Variants in CPN2 observed in about 807,000 individuals in gnomAD.
CPN2 encodes carboxypeptidase N subunit 2, also known as carboxypeptidase N 83 kDa chain.
For synonymous variants in CPN2, 336 were observed against 318.4 expected, an observed-to-expected ratio of 1.06 and a Z score of -0.59; for missense variants, 620 against 671.4, an observed-to-expected ratio of 0.92 and a Z score of 0.85.
chr3:194,343,818 T>G (rs1576989934), intron 1 of CPN2, among the ~76,000 whole-genome samples: 1 of 152,200 alleles, frequency 6.6e-6, no homozygotes, highest in African/African-American at 2.4e-5. Flanking sequence ...GGATCTGGCA[T>G]AGAGTGAGTA....
intron 1 of CPN2, among the ~76,000 whole-genome samples, chr3:194,348,672 CT>C (rs1713147709): frequency 6.6e-6 from 1 of 152,116 alleles, no homozygotes; most frequent in Non-Finnish European, 1.5e-5. Flanking sequence ...AGGAGGATTG[CT>C]TGAGGCCAGG....
intron 1 of CPN2, among the ~76,000 whole-genome samples, chr3:194,348,744 T>G (rs1713149271): frequency 6.6e-6 from 1 of 151,874 alleles, no homozygotes; most frequent in South Asian, 2.1e-4. Flanking sequence ...TTATAAAAAT[T>G]ACCCAAGCAT....
At chr3:194,344,113 G>A (rs1404318087) in intron 1 of CPN2, among the ~76,000 whole-genome samples, 1 of 152,122 alleles carries the variant, frequency 6.6e-6, no homozygotes, top group Non-Finnish European at 1.5e-5. Flanking sequence ...GCCCTCTGCT[G>A]GTGCCTCCTC....
intron 1 of CPN2, among the ~76,000 whole-genome samples, chr3:194,350,225 T>C (rs1713218811): frequency 1.3e-5 from 2 of 152,214 alleles, no homozygotes; most frequent in South Asian, 2.1e-4. Context: ...GTGGTGTCTC[T>C]GCAAGCAGCT....
chr3:194,343,866 G>T (rs1201696554), intron 1 of CPN2, among the ~76,000 whole-genome samples: 2 of 152,146 alleles, frequency 1.3e-5, no homozygotes, highest in Non-Finnish European at 2.9e-5. Context: ...AAGGTTGCAA[G>T]CTACCTCATT....
Position 194,341,262 on chromosome 3 carries a change from A to T in CPN2, c.1441T>A (p.Cys481Ser), listed in dbSNP as rs778994125. The change falls in exon 2 of 2, where the codon TGC (cysteine) becomes AGC (serine). Residue 481 changes from cysteine to serine, a missense_variant. Transcript: ENST00000323830. ...AVQERAARSQ[C>S]TYSNPEGTVV... ...GTGCCCTCGGGGTTGCTGTAGGTGC[A>T]CTGGCTCCGGGCTGCCCTTTCCTGC... 1 of 1,613,296 alleles carries T rather than the reference A, an allele frequency of 6.2e-7. No individual in the cohort carries two copies. Among genetic ancestry groups the T allele is most frequent in the Non-Finnish European group, 8.5e-7 (1 of 1,179,924 alleles).
At chr3:194,350,626 C>A (rs902032756) in intron 1 of CPN2, among the ~76,000 whole-genome samples, 2 of 152,114 alleles carry the variant, frequency 1.3e-5, no homozygotes, top group East Asian at 3.9e-4. Context: ...TGGCCCCCTG[C>A]AGGTTTATTT....
rs777168676 is a variant in CPN2 at position 194,341,088 on chromosome 3, C to G, written c.1615G>C (p.Glu539Gln). ...CGSLRLTVSI[E>Q]ARAAGP ...TACTAGGGCCCTGCTGCCCGAGCCTCGATAGACACGGTGAGCCGCAGAGAA... is the reference window on the plus strand; with the variant it reads ...TACTAGGGCCCTGCTGCCCGAGCCTGGATAGACACGGTGAGCCGCAGAGAA... Residue 539 changes from glutamate (E) to glutamine (Q), a missense_variant, in exon 2 of 2, where the codon GAG (glutamate) becomes CAG (glutamine). Transcript: ENST00000323830. 6.2e-7 allele frequency: 1 copy of G among 1,606,350 alleles called. No individual in the cohort carries two copies. The highest frequency in any genetic ancestry group is 8.5e-7 in the Non-Finnish European group (1 of 1,174,886).
At chr3:194,347,665 TCCGCTGCCCAGTTCAGCCCACCCCAC>T (rs745631973) in intron 1 of CPN2, among the ~76,000 whole-genome samples, 76,615 of 107,636 alleles carry the variant, frequency 0.71, 26,536 homozygotes, top group East Asian at 0.79. Context: ...GCCCACCCCA[TCCGCTGCCCAGTTCAGCCCACCCCAC>T]CCTCTGCCCA....
Position 194,341,726 on chromosome 3 carries a change from G to T in CPN2, c.977C>A (p.Thr326Asn). 6.2e-7 allele frequency: 1 copy of T among 1,614,132 alleles called. No homozygotes were observed. The highest frequency in any genetic ancestry group is 8.5e-7 in the Non-Finnish European group (1 of 1,180,032). The change falls in exon 2 of 2, where the codon ACC (threonine) becomes AAC (asparagine). Residue 326 changes from threonine to asparagine, a missense_variant. Thr to Asn is a moderately conservative substitution (Grantham distance 65, BLOSUM62 0). Coordinates refer to ENST00000323830, the MANE Select transcript of CPN2 (RefSeq NM_001080513.4). Reference sequence around the variant, plus strand: ...TCTGAAGATGCCAGCTGGGAGGTGGGTAATGGCATTGTATGAGAGCATGAG... The same window carrying T: ...TCTGAAGATGCCAGCTGGGAGGTGGTTAATGGCATTGTATGAGAGCATGAG... ...RSLMLSYNAI[T>N]HLPAGIFRDL...
Position 194,340,934 on chromosome 3 carries a change from A to T in CPN2, c.*131T>A. The T allele has an allele frequency of 7.3e-7, 1 of 1,368,794 alleles. No homozygotes were observed. The allele number at this position is 1,368,794 out of a possible 1,614,324, so 84.8% of individuals were successfully genotyped here. ...GGAGCAGACCAGACTCCACCCCCTC[A>T]CCTTGGGGATGTAACCCTGTCCCTT... is the stretch of plus-strand genomic sequence containing the variant. On this transcript the variant is annotated 3_prime_UTR_variant, in exon 2 of 2. Coordinates refer to ENST00000323830, the MANE Select transcript of CPN2 (RefSeq NM_001080513.4).
chr3:194,350,847 AAATAATT>A (rs1481569595), intron 1 of CPN2, among the ~76,000 whole-genome samples: 1 of 150,396 alleles, frequency 6.6e-6, no homozygotes, highest in Non-Finnish European at 1.5e-5. Flanking sequence ...TTATATTAAT[AAATAATT>A]AATAATATTT....
rs748762807 is a variant in CPN2 at position 194,342,409 on chromosome 3, C to G, written c.294G>C (p.Arg98Ser). The change falls in exon 2 of 2, where the codon AGG becomes AGC. Residue 98 changes from arginine to serine, a missense_variant. Transcript: ENST00000323830. ...FRPDAFGGLP[R>S]LEDLEVTGSS... is the part of the protein sequence containing the mutation. ...TGCCTGTGACCTCCAGGTCCTCCAGCCTGGGCAGCCCCCCGAAGGCATCCG... is the reference window on the plus strand; with the variant it reads ...TGCCTGTGACCTCCAGGTCCTCCAGGCTGGGCAGCCCCCCGAAGGCATCCG... The G allele has an allele frequency of 2.5e-6, 4 of 1,614,092 alleles. No homozygotes were observed. Among genetic ancestry groups the G allele is most frequent in the South Asian group, 1.1e-5 (1 of 91,084 alleles).
rs1052808254 is a variant in CPN2 at position 194,341,449 on chromosome 3, C to T, written c.1254G>A (p.Leu418=). Residue 418 remains leucine, a synonymous_variant, in exon 2 of 2, where the codon CTG becomes CTA. Transcript: ENST00000323830. The stretch of plus-strand genomic sequence containing the variant: ...GGCCAGCGCAGTAGGTCTGGATGTT[C>T]AGGAGCCGATCGGTGTACTGCTGCA... ...NWLQQYTDRL[L]NIQTYCAGPA... 4.3e-6 allele frequency: 7 copies of T among 1,614,178 alleles called. No individual in the cohort carries two copies. Among genetic ancestry groups the T allele is most frequent in the Non-Finnish European group, 5.1e-6 (6 of 1,180,040 alleles).
intron 1 of CPN2, among the ~76,000 whole-genome samples, chr3:194,349,101 C>G (rs1354972560): frequency 6.6e-6 from 1 of 151,990 alleles, no homozygotes; most frequent in Non-Finnish European, 1.5e-5. Context: ...TGGCTCACAC[C>G]TGTAATCCCA....
chr3:194,341,691 C>T lies in CPN2; in HGVS notation c.1012G>A (p.Glu338Lys). ...CTGCCCAGGTAGAGTTTGACCAACTCCTCCAGGTCTCTGAAGATGCCAGCT... is the reference window on the plus strand; with the variant it reads ...CTGCCCAGGTAGAGTTTGACCAACTTCTCCAGGTCTCTGAAGATGCCAGCT... ...LPAGIFRDLE[E>K]LVKLYLGSNN... The change falls in exon 2 of 2, where the codon GAG becomes AAG. Residue 338 changes from glutamate (E) to lysine (K), a missense_variant. Transcript: ENST00000323830. 1 of 1,614,132 alleles carries T rather than the reference C, an allele frequency of 6.2e-7. No individual in the cohort carries two copies. Among genetic ancestry groups the T allele is most frequent in the Non-Finnish European group, 8.5e-7 (1 of 1,180,034 alleles).
At chr3:194,343,673 T>A (rs13317472) in intron 1 of CPN2, among the ~76,000 whole-genome samples, 9,203 of 152,310 alleles carry the variant, frequency 0.06, 938 homozygotes, top group African/African-American at 0.21. Context: ...TCTAGCTACG[T>A]GACCTTGGGC....
intron 1 of CPN2, among the ~76,000 whole-genome samples, chr3:194,344,422 C>A (rs1031502347): frequency 6.6e-6 from 1 of 152,222 alleles, no homozygotes; most frequent in African/African-American, 2.4e-5. Flanking sequence ...TGCGGCCAGG[C>A]GCAGTGGCTC....
Position 194,347,112 on chromosome 3 carries a change from C to T in CPN2, c.-4+4130G>A, listed in dbSNP as rs559946754. Among the ~76,000 whole-genome samples the T allele has an allele frequency of 5.9e-5, 9 of 152,272 alleles. No individual in the cohort carries two copies. In the South Asian group the frequency reaches 1.2e-3, roughly 21 times the overall value. ...TGGGGTGGCAGCCAGAGGTTTTCTG[C>T]TCCTCATCTGGGAATAAGACCATCA... is the stretch of plus-strand genomic sequence containing the variant. On this transcript the variant is annotated intron_variant, in intron 1 of 1. Transcript: ENST00000323830.
Sources: allele counts gnomAD v4.1 joint callset (sites outside exome capture counted in the v4.1 genomes callset), GRCh38; gene constraint gnomAD v4.1.1; transcripts MANE v1.5; gene names NCBI Gene and HGNC (gene_info 2026-07-23, HGNC 2026-07-21).